SCAPER: variants seen among roughly 807,000 people sequenced by gnomAD.
SCAPER encodes S-phase cyclin A associated protein in the ER.
SCAPER carries 98 observed loss-of-function variants against 182.2 expected under a neutral mutation model. The ratio of observed to expected loss-of-function variants is 0.54; its 90% CI spans 0.46 to 0.64. The LOEUF is 0.64. Among genes scored for constraint, SCAPER ranks in the 30% least tolerant of loss-of-function variants. The pLI, the probability that SCAPER is intolerant of heterozygous loss-of-function variation, is 0.00. For synonymous variants in SCAPER, 605 were observed against 564.6 expected (o/e 1.07, Z -1.01); for missense variants, 1,432 against 1,690.0 (o/e 0.85, Z 2.68).
intron 1 of SCAPER, among the ~76,000 whole-genome samples, chr15:76,896,428 A>G (rs2074437402): frequency 6.6e-6 from 1 of 152,184 alleles, no homozygotes; most frequent in African/African-American, 2.4e-5. Context: ...TCTAACCAAG[A>G]AAGACCTATA....
At chr15:76,778,674 T>C (rs1242979903) in intron 8 of SCAPER, among the ~76,000 whole-genome samples, 2 of 152,100 alleles carry the variant, frequency 1.3e-5, no homozygotes, top group East Asian at 3.9e-4. Flanking sequence ...TGTATGTATA[T>C]ACATATATAC....
chr15:76,606,925 G>T (rs1416548474), intron 22 of SCAPER, among the ~76,000 whole-genome samples: 1 of 152,134 alleles, frequency 6.6e-6, no homozygotes, highest in Non-Finnish European at 1.5e-5. Flanking sequence ...CACGTGAGAT[G>T]GGTTTCCTGA....
Position 76,721,039 on chromosome 15 carries a change from T to C in SCAPER, c.2165+7556A>G, listed in dbSNP as rs1000538076. On this transcript the variant is annotated intron_variant, in intron 17 of 31. Transcript: ENST00000563290. ...GAATGGTAATGCCTAGGTTTTCTTCTAGGGTTTTTATGGTTTTAGGTCTAA... is the reference window on the plus strand; with the variant it reads ...GAATGGTAATGCCTAGGTTTTCTTCCAGGGTTTTTATGGTTTTAGGTCTAA... Among the ~76,000 whole-genome samples the C allele has an allele frequency of 1.2e-3, 180 of 152,326 alleles. 2 individuals are homozygous for C. Among genetic ancestry groups the C allele is most frequent in the Admixed American group, 2.1e-3 (32 of 15,304 alleles).
chr15:76,628,105 T>G (rs1170410577), intron 21 of SCAPER, among the ~76,000 whole-genome samples: 1 of 152,234 alleles, frequency 6.6e-6, no homozygotes, highest in Non-Finnish European at 1.5e-5. Context: ...GAAGTGTCTG[T>G]TCATGTCCTT....
chr15:76,660,908 ACT>A (rs2056098855), intron 21 of SCAPER, among the ~76,000 whole-genome samples: 1 of 152,084 alleles, frequency 6.6e-6, no homozygotes, highest in African/African-American at 2.4e-5. Context: ...CAAAAAAAAA[ACT>A]GTTTCTATAA....
chr15:76,559,880 T>C (rs774336640), intron 23 of SCAPER, among the ~76,000 whole-genome samples: 1 of 152,054 alleles, frequency 6.6e-6, no homozygotes, highest in African/African-American at 2.4e-5. Flanking sequence ...TATATGCCCC[T>C]AAAACTAAAA....
At chr15:76,866,549 C>T (rs1033168453) in intron 2 of SCAPER, among the ~76,000 whole-genome samples, 3 of 152,044 alleles carry the variant, frequency 2.0e-5, no homozygotes, top group Non-Finnish European at 4.4e-5. Context: ...TTCTTAATTC[C>T]AATACTTGAT....
chr15:76,505,398 G>GA (rs1334047745), intron 23 of SCAPER, among the ~76,000 whole-genome samples: 2 of 152,052 alleles, frequency 1.3e-5, no homozygotes, highest in African/African-American at 4.8e-5. Flanking sequence ...AACTCTGTAG[G>GA]AAAAAATCTA....
rs926554318 is a variant in SCAPER, at chr15:76,738,157, T to C, written c.1867-4773A>G. ...CCAGCTTTATTTTTTTCTTTTTGTTTTTCAAGACTGGGTTTCACATCACCC... is the reference window on the plus strand; with the variant it reads ...CCAGCTTTATTTTTTTCTTTTTGTTCTTCAAGACTGGGTTTCACATCACCC... On this transcript the variant is annotated intron_variant, in intron 15 of 31. Transcript: ENST00000563290. Among the ~76,000 whole-genome samples, 19 of 152,310 alleles carry C rather than the reference T, an allele frequency of 1.2e-4. 1 individual carries two copies. Among genetic ancestry groups the C allele is most frequent in the African/African-American group, 4.1e-4 (17 of 41,578 alleles).
At chr15:76,758,336 A>C (rs778479083) in intron 14 of SCAPER, among the ~76,000 whole-genome samples, 7 of 152,160 alleles carry the variant, frequency 4.6e-5, no homozygotes, top group Non-Finnish European at 8.8e-5. Flanking sequence ...CTTTGTTGAA[A>C]AGATTATGCT....
chr15:76,534,642 T>C (rs894255449), intron 23 of SCAPER, among the ~76,000 whole-genome samples: 1 of 152,200 alleles, frequency 6.6e-6, no homozygotes, highest in African/African-American at 2.4e-5. Context: ...CATTCTTTCA[T>C]TTCCTCTATT....
chr15:76,774,218 AC>A, intron 9 of SCAPER: 2 of 219,172 alleles, frequency 9.1e-6, no homozygotes, highest in Non-Finnish European at 1.8e-5. Context: ...CTTTATTCCT[AC>A]CAAAAATGCA....
chr15:76,402,460 C>G (rs779057825), intron 27 of SCAPER, among the ~76,000 whole-genome samples: 3 of 152,120 alleles, frequency 2.0e-5, no homozygotes, highest in African/African-American at 4.8e-5. Flanking sequence ...TACCGTTTTT[C>G]TCAACTGATT....
At chr15:76,806,098 T>C (rs2066143409) in intron 5 of SCAPER, among the ~76,000 whole-genome samples, 1 of 152,196 alleles carries the variant, frequency 6.6e-6, no homozygotes, top group East Asian at 1.9e-4. Flanking sequence ...CAATTTATTT[T>C]TTCTCTGGCT....
chr15:76,831,101 G>A (rs909516009), intron 5 of SCAPER, among the ~76,000 whole-genome samples: 3 of 152,184 alleles, frequency 2.0e-5, no homozygotes, highest in African/African-American at 7.2e-5. Context: ...CAAACTGCAT[G>A]GAGCCCAGAG....
chr15:76,505,299 CAA>C (rs972765796), intron 23 of SCAPER, among the ~76,000 whole-genome samples: 38 of 152,004 alleles, frequency 2.5e-4, no homozygotes, highest in Middle Eastern at 6.3e-3. Context: ...ATCCACCAAG[CAA>C]AGAGACAACC....
chr15:76,348,434 TAA>T lies in SCAPER; in HGVS notation c.*197_*198del, dbSNP rs1377206642. ...TCCAAGATACTCTGCATAAATGAAA[TAA>T]ACTCAACTTGCAAAATTAGCAAGTA... On this transcript the variant is annotated 3_prime_UTR_variant, in exon 32 of 32. Coordinates refer to ENST00000563290, the MANE Select transcript of SCAPER (RefSeq NM_020843.4). 2.0e-5 allele frequency: 8 copies of T among 404,192 alleles called. No individual in the cohort carries two copies. Among genetic ancestry groups the T allele is most frequent in the Non-Finnish European group, 3.6e-5 (8 of 221,780 alleles). The allele number at this position is 404,192 out of a possible 1,614,324, so 25.0% of individuals were successfully genotyped here.
intron 2 of SCAPER, among the ~76,000 whole-genome samples, chr15:76,878,792 G>GGAA (rs947295217): frequency 6.6e-6 from 1 of 151,828 alleles, no homozygotes; most frequent in African/African-American, 2.4e-5. Flanking sequence ...AAGAGGAAGA[G>GGAA]GAAGAAGAAG....
intron 28 of SCAPER, among the ~76,000 whole-genome samples, chr15:76,378,383 G>T (rs1372360081): frequency 1.3e-5 from 2 of 151,974 alleles, no homozygotes; most frequent in African/African-American, 4.8e-5. Context: ...CTCTTTTCCT[G>T]TCCTTTACAT....
Sources: gnomAD v4.1 joint callset for allele counts (sites outside exome capture counted in the v4.1 genomes callset) on GRCh38, gnomAD v4.1.1 for gene constraint, MANE v1.5 for transcripts, NCBI Gene and HGNC (gene_info 2026-07-23, HGNC 2026-07-21) for gene names.